Variants in COG8 observed in about 807,000 individuals in gnomAD.
The protein encoded by COG8 is conserved oligomeric Golgi complex subunit 8.
Under a neutral mutation model 46.5 loss-of-function variants are expected in COG8, and 45 were observed. The ratio of observed to expected loss-of-function variants is 0.97; its 90% CI spans 0.76 to 1.24. The LOEUF is 1.24. Among genes scored for constraint, COG8 ranks in the 50% most tolerant of loss-of-function variants. The pLI, the probability that COG8 is intolerant of heterozygous loss-of-function variation, is 0.00. For synonymous variants in COG8, 407 were observed against 347.8 expected, an observed-to-expected ratio of 1.17 and a Z score of -1.90; for missense variants, 793 against 820.8, an observed-to-expected ratio of 0.97 and a Z score of 0.41.
Position 69,330,845 on chromosome 16 carries a change from C to T in COG8, c.1833G>A (p.Gly611=), listed in dbSNP as rs946928494. The change falls in exon 5 of 6, where the codon GGG becomes GGA. Residue 611 remains glycine, a synonymous_variant. Coordinates refer to ENST00000306875, the MANE Select transcript of COG8 (RefSeq NM_032382.5). ...AETQAEPPSV[G]P is the part of the protein sequence containing the mutation. The stretch of plus-strand genomic sequence containing the variant: ...TGGAGGCAGGGGACGCCGGCTAGGG[C>T]CCCACGCTGGGCGGTTCGGCCTGCG... 2.6e-6 allele frequency: 4 copies of T among 1,538,370 alleles called. No individual in the cohort carries two copies. Among genetic ancestry groups the T allele is most frequent in the East Asian group, 2.4e-5 (1 of 40,822 alleles).
chr16:69,335,418 G>A, intron 2 of COG8, 70 bp from the exon 3 acceptor site: 1 of 1,253,604 alleles, frequency 8.0e-7, no homozygotes, highest in Non-Finnish European at 1.1e-6. Flanking sequence ...CCCTAACTCT[G>A]AAGACTGCAG....
intron 4 of COG8, 53 bp from the exon 5 acceptor site, chr16:69,331,148 A>G (rs1019419838): frequency 4.9e-5 from 79 of 1,603,442 alleles, no homozygotes; most frequent in Non-Finnish European, 6.0e-5. Context: ...ATAAAACTCA[A>G]TATAGAAATT....
chr16:69,329,167 T>C lies in COG8; in HGVS notation c.*39A>G, dbSNP rs368400045. The C allele has an allele frequency of 7.0e-5, 112 of 1,603,896 alleles. No individual in the cohort carries two copies. The highest frequency in any genetic ancestry group is 3.3e-4 in the South Asian group (30 of 89,886). The stretch of plus-strand genomic sequence containing the variant: ...CGCCTGCCACACCACCTGTTCTCCA[T>C]TGGGGTCCAGCCCTGCAAAGGAAGT... On this transcript the variant is annotated 3_prime_UTR_variant, in exon 6 of 6. Coordinates refer to ENST00000306875, the MANE Select transcript of COG8 (RefSeq NM_032382.5).
chr16:69,332,565 C>T (rs1233729049), intron 4 of COG8, 149 bp downstream of exon 4: 3 of 813,698 alleles, frequency 3.7e-6, no homozygotes, highest in Non-Finnish European at 4.1e-6. Flanking sequence ...TGACTACAAA[C>T]GTGCATGAAG....
intron 3 of COG8, among the ~76,000 whole-genome samples, 198 bp downstream of exon 3, chr16:69,334,323 G>A (rs1370558707): frequency 6.6e-6 from 1 of 152,184 alleles, no homozygotes; most frequent in African/African-American, 2.4e-5. Flanking sequence ...TGTTACTATA[G>A]GCAAATCACT....
rs1460885407 is a variant in COG8, at chr16:69,334,650, C to T, written c.1284G>A (p.Val428=). ...TQPGTLQPPM[V]LLDFPPLACF... ...AGGCGAGGGGTGGGAAATCTAGGAGCACCATGGGTGGCTGCAGCGTCCCCG... is the reference window on the plus strand; with the variant it reads ...AGGCGAGGGGTGGGAAATCTAGGAGTACCATGGGTGGCTGCAGCGTCCCCG... Residue 428 remains valine (V), a synonymous_variant, in exon 3 of 6, where the codon GTG becomes GTA. Coordinates refer to ENST00000306875, the MANE Select transcript of COG8 (RefSeq NM_032382.5). The T allele has an allele frequency of 6.2e-7, 1 of 1,614,198 alleles. No homozygotes were observed. The highest frequency in any genetic ancestry group is 8.5e-7 in the Non-Finnish European group (1 of 1,180,034).
At position 69,332,802 on chromosome 16, in the gene COG8, G is replaced by C. The variant is rs776832489; in HGVS notation, c.1494C>G (p.Phe498Leu). Residue 498 changes from phenylalanine to leucine, a missense_variant, in exon 4 of 6, where the codon TTC becomes TTG. Physicochemically the swap from Phe to Leu is conservative, Grantham distance 22 (BLOSUM62 0). Transcript: ENST00000306875. ...SSGEQELFVQ[F>L]CTVFLEDLVP... Reference sequence around the variant, plus strand: ...CAAGGTCTTCCAGGAAGACAGTGCAGAACTGGACAAAGAGCTCTTGCTCCC... The same window carrying C: ...CAAGGTCTTCCAGGAAGACAGTGCACAACTGGACAAAGAGCTCTTGCTCCC... 3 of 1,614,044 alleles carry C rather than the reference G, an allele frequency of 1.9e-6. No homozygotes were observed. The highest frequency in any genetic ancestry group is 2.7e-5 in the African/African-American group (2 of 74,936).
chr16:69,329,117 G>A lies in COG8; in HGVS notation c.*89C>T. On this transcript the variant is annotated 3_prime_UTR_variant, in exon 6 of 6. Transcript: ENST00000306875. ...CCCTGCAGGTGGTCCATCTCGTGCT[G>A]GATGATGCGGGCTGCCCACCCGCTC... is the stretch of plus-strand genomic sequence containing the variant. The A allele has an allele frequency of 3.7e-6, 6 of 1,610,370 alleles. No homozygotes were observed. The highest frequency in any genetic ancestry group is 2.7e-5 in the African/African-American group (2 of 74,988).
Position 69,327,048 on chromosome 16 carries a change from C to T in COG8, c.*2158G>A, listed in dbSNP as rs948256040. On this transcript the variant is annotated 3_prime_UTR_variant, in exon 6 of 6. Coordinates refer to ENST00000306875, the MANE Select transcript of COG8 (RefSeq NM_032382.5). ...AACATTGTCCAAATGAAAGGAGGCT[C>T]AGCTGAATTCTAATTTTCCTAAAGA... is the stretch of plus-strand genomic sequence containing the variant. The T allele has an allele frequency of 1.3e-5, 2 of 151,900 alleles. No homozygotes were observed. The highest frequency in any genetic ancestry group is 1.3e-4 in the Admixed American group (2 of 15,236). 9.4% of individuals were successfully genotyped at this position (151,900 alleles called of 1,614,324 possible).
intron 1 of COG8, among the ~76,000 whole-genome samples, chr16:69,338,014 G>A (rs2012301956): frequency 6.6e-6 from 1 of 151,736 alleles, no homozygotes; most frequent in African/African-American, 2.4e-5. Context: ...TTACAGGTGT[G>A]AGCCACCGCA....
intron 4 of COG8, among the ~76,000 whole-genome samples, chr16:69,332,189 A>G (rs998312875): frequency 5.3e-5 from 8 of 152,260 alleles, no homozygotes; most frequent in South Asian, 2.1e-4. Context: ...CGTCTCTACT[A>G]AAACACAAAA....
intron 5 of COG8, chr16:69,330,090 G>T: frequency 1.9e-6 from 3 of 1,576,922 alleles, no homozygotes; most frequent in Non-Finnish European, 2.6e-6. Context: ...CGGCTGTCAA[G>T]CACTCGCAGG....
In COG8 at chr16:69,336,553, G is replaced by C; in HGVS notation, c.537C>G (p.Ala179=). Residue 179 remains alanine (A), a synonymous_variant, in exon 2 of 6, where the codon GCC becomes GCG. Coordinates refer to ENST00000306875, the MANE Select transcript of COG8 (RefSeq NM_032382.5). Reference sequence around the variant, plus strand: ...ATTTCCTCTCCAGTCGGCGTACGTAGGCTGCAAGCTCCAGGGCCTCTTCAT... The same window carrying C: ...ATTTCCTCTCCAGTCGGCGTACGTACGCTGCAAGCTCCAGGGCCTCTTCAT... ...SYYEEALELA[A]YVRRLERKYS... 1 of 1,614,182 alleles carries C rather than the reference G, an allele frequency of 6.2e-7. No individual in the cohort carries two copies. Among genetic ancestry groups the C allele is most frequent in the Non-Finnish European group, 8.5e-7 (1 of 1,180,036 alleles).
At chr16:69,332,416 G>C (rs891448821) in intron 4 of COG8, among the ~76,000 whole-genome samples, 2 of 152,042 alleles carry the variant, frequency 1.3e-5, no homozygotes, top group African/African-American at 4.8e-5. Context: ...TACGTATGTA[G>C]TTCTTTTGTG....
intron 5 of COG8, chr16:69,330,589 G>T: frequency 7.0e-7 from 1 of 1,430,450 alleles, no homozygotes; most frequent in Non-Finnish European, 9.0e-7. Flanking sequence ...CCTTAACAGT[G>T]ACCCGGCCCG....
Position 69,329,156 on chromosome 16 carries a change from C to A in COG8, c.*50G>T. 1 of 1,607,536 alleles carries A rather than the reference C, an allele frequency of 6.2e-7. No individual in the cohort carries two copies. Among genetic ancestry groups the A allele is most frequent in the South Asian group, 1.1e-5 (1 of 90,304 alleles). On this transcript the variant is annotated 3_prime_UTR_variant, in exon 6 of 6. Transcript: ENST00000306875. ...GCCCACCCGCTCGCCTGCCACACCA[C>A]CTGTTCTCCATTGGGGTCCAGCCCT...
At chr16:69,330,637 C>A in intron 5 of COG8, 176 bp downstream of exon 5, 2 of 1,405,074 alleles carry the variant, frequency 1.4e-6, no homozygotes, top group Non-Finnish European at 1.8e-6. Flanking sequence ...CCGGGAAGCG[C>A]CGTCGGCCAG....
chr16:69,330,250 G>GCGC (rs957853007), intron 5 of COG8: 82 of 1,436,790 alleles, frequency 5.7e-5, no homozygotes, highest in Non-Finnish European at 6.8e-5. Flanking sequence ...GGCCCACGCA[G>GCGC]CGCCGCCGCC....
At position 69,330,971 on chromosome 16, in the gene COG8, C is replaced by A. The variant is rs146627356; in HGVS notation, c.1707G>T (p.Ala569=). Residue 569 remains alanine, a synonymous_variant, in exon 5 of 6, where the codon GCG becomes GCT. Transcript: ENST00000306875. ...RETLFTLDDQ[A]LGPELTAPAP... ...CTGGAGCTGTGAGCTCGGGCCCCAG[C>A]GCCTGGTCATCCAGGGTGAAAAGCG... The A allele has an allele frequency of 6.3e-7, 1 of 1,594,380 alleles. No homozygotes were observed. Among genetic ancestry groups the A allele is most frequent in the Non-Finnish European group, 8.5e-7 (1 of 1,171,048 alleles).
Sources: gnomAD v4.1 joint callset for allele counts (sites outside exome capture counted in the v4.1 genomes callset) on GRCh38, gnomAD v4.1.1 for gene constraint, MANE v1.5 for transcripts, NCBI Gene and HGNC (gene_info 2026-07-23, HGNC 2026-07-21) for gene names.